HPSE2: variants seen among roughly 807,000 people sequenced by gnomAD.
HPSE2 encodes the protein heparanase 2 (inactive), also known as inactive heparanase-2.
A neutral mutation model predicts 60.5 loss-of-function variants in HPSE2; 38 were observed. That is an observed-to-expected ratio of 0.63 (90% CI 0.48 to 0.82). The LOEUF (loss-of-function observed/expected upper bound fraction) is 0.82. Ranked by LOEUF, HPSE2 falls within the 40% of genes least tolerant of loss-of-function variation. The probability of loss-of-function intolerance (pLI) is 0.00; values close to 1 mark genes in which losing one functional copy is unlikely to be tolerated. For missense variants in HPSE2, 713 were observed against 740.4 expected, an observed-to-expected ratio of 0.96 and a Z score of 0.43; for synonymous variants, 295 against 293.2, an observed-to-expected ratio of 1.01 and a Z score of -0.06.
At chr10:98,834,811 T>C (rs1951757210) in intron 3 of HPSE2, among the ~76,000 whole-genome samples, 2 of 151,798 alleles carry the variant, frequency 1.3e-5, no homozygotes, top group Non-Finnish European at 2.9e-5. Flanking sequence ...AGCTGTCTTC[T>C]ATTAGGCCAG....
chr10:98,601,409 T>G (rs1243180560), intron 9 of HPSE2, among the ~76,000 whole-genome samples: 3 of 152,188 alleles, frequency 2.0e-5, no homozygotes, highest in African/African-American at 7.2e-5. Flanking sequence ...ATCAGATTAA[T>G]CAGAGTAGCT....
intron 5 of HPSE2, among the ~76,000 whole-genome samples, chr10:98,712,056 T>C (rs1380221326): frequency 1.3e-5 from 2 of 151,786 alleles, no homozygotes; most frequent in Non-Finnish European, 2.9e-5. Flanking sequence ...AGCAGGGTTG[T>C]GAGGGAAAGA....
At chr10:98,470,775 G>A (rs868767848) in intron 11 of HPSE2, among the ~76,000 whole-genome samples, 3 of 152,168 alleles carry the variant, frequency 2.0e-5, no homozygotes, top group Non-Finnish European at 4.4e-5. Flanking sequence ...TGCCTACAAC[G>A]AGGGTCCCTA....
At chr10:99,170,431 A>T (rs531523270) in intron 2 of HPSE2, among the ~76,000 whole-genome samples, 2 of 152,294 alleles carry the variant, frequency 1.3e-5, no homozygotes, top group African/African-American at 4.8e-5. Context: ...CTATAGTTTA[A>T]TCTCCAGAAT....
chr10:99,077,511 T>C (rs1032907903), intron 3 of HPSE2, among the ~76,000 whole-genome samples: 5 of 152,120 alleles, frequency 3.3e-5, no homozygotes, highest in Non-Finnish European at 5.9e-5. Flanking sequence ...CAACCTCCCA[T>C]TGAATTTTTT....
At chr10:99,315,749 C>A in the HPSE2 span, among the ~76,000 whole-genome samples, 1 of 152,202 alleles carries the variant, frequency 6.6e-6, no homozygotes, top group Non-Finnish European at 1.5e-5. Flanking sequence ...TAAACAGGGT[C>A]ACCCGGCTGC....
the HPSE2 span, among the ~76,000 whole-genome samples, chr10:99,287,504 G>A: frequency 6.6e-6 from 1 of 152,120 alleles, no homozygotes; most frequent in African/African-American, 2.4e-5. Flanking sequence ...TGGGTGTGAG[G>A]GTGGCAGGGG....
chr10:99,297,138 T>C, the HPSE2 span, among the ~76,000 whole-genome samples: 1 of 151,828 alleles, frequency 6.6e-6, no homozygotes, highest in Non-Finnish European at 1.5e-5. Flanking sequence ...CACCGCAGCC[T>C]GGTGGGTTAC....
intron 5 of HPSE2, among the ~76,000 whole-genome samples, chr10:98,709,048 T>C (rs563609447): frequency 3.3e-5 from 5 of 152,316 alleles, no homozygotes; most frequent in Non-Finnish European, 5.9e-5. Context: ...TTTTTATATC[T>C]GTATTGACAC....
chr10:99,162,213 T>C (rs1846873509), intron 2 of HPSE2, among the ~76,000 whole-genome samples: 2 of 152,172 alleles, frequency 1.3e-5, no homozygotes, highest in African/African-American at 2.4e-5. Flanking sequence ...TTAACCATAG[T>C]TTTTAAAAAC....
At position 98,463,290 on chromosome 10, in the gene HPSE2, C is replaced by T. The variant is rs117642440; in HGVS notation, c.1614-3551G>A. Among the ~76,000 whole-genome samples, 369 of 152,332 alleles carry T rather than the reference C, an allele frequency of 2.4e-3. 8 individuals are homozygous for T. The East Asian group carries it at 0.058, about 24-fold the overall frequency. ...CCAGCTCCAGCTACCTCTCCAGTCTCAGATCCCGCCAGTCCCCCCTCCAAC... is the reference window on the plus strand; with the variant it reads ...CCAGCTCCAGCTACCTCTCCAGTCTTAGATCCCGCCAGTCCCCCCTCCAAC... On this transcript the variant is annotated intron_variant, in intron 11 of 11. Coordinates refer to ENST00000370552, the MANE Select transcript of HPSE2 (RefSeq NM_021828.5).
At position 99,134,201 on chromosome 10, in the gene HPSE2, C is replaced by G. The variant is rs113462352; in HGVS notation, c.610+10037G>C. Among the ~76,000 whole-genome samples the G allele has an allele frequency of 1.9e-3, 287 of 152,160 alleles. 2 individuals carry two copies. The highest frequency in any genetic ancestry group is 6.8e-3 in the African/African-American group (282 of 41,508). On this transcript the variant is annotated intron_variant, in intron 3 of 11. Coordinates refer to ENST00000370552, the MANE Select transcript of HPSE2 (RefSeq NM_021828.5). ...AATAAAAAGGAACAGAAAAAGCCTC[C>G]AAGAAATATGGGACTATGTGAAAAA...
chr10:99,239,811 A>G (rs1009844616), upstream of HPSE2, among the ~76,000 whole-genome samples: 1 of 152,140 alleles, frequency 6.6e-6, no homozygotes, highest in African/African-American at 2.4e-5. Context: ...TTCCAAAAGA[A>G]AGGAAAATTT....
chr10:98,757,866 G>T (rs1398049421), intron 3 of HPSE2, among the ~76,000 whole-genome samples: 1 of 151,984 alleles, frequency 6.6e-6, no homozygotes, highest in Non-Finnish European at 1.5e-5. Context: ...GAACAAGAAA[G>T]AACCCAAATA....
At chr10:98,910,348 G>A (rs1953945850) in intron 3 of HPSE2, among the ~76,000 whole-genome samples, 1 of 152,154 alleles carries the variant, frequency 6.6e-6, no homozygotes, top group African/African-American at 2.4e-5. Context: ...CACCAGTAAA[G>A]AGAAATTTCA....
intron 2 of HPSE2, among the ~76,000 whole-genome samples, chr10:99,186,628 T>C (rs1468751423): frequency 1.3e-5 from 2 of 150,034 alleles, no homozygotes; most frequent in African/African-American, 4.9e-5. Flanking sequence ...CTGACATCTT[T>C]AAAGTGCTGG....
At chr10:98,729,190 A>G (rs1949166350) in intron 4 of HPSE2, among the ~76,000 whole-genome samples, 1 of 152,202 alleles carries the variant, frequency 6.6e-6, no homozygotes, top group African/African-American at 2.4e-5. Flanking sequence ...CAAATAATGG[A>G]AATGGATTAA....
At chr10:98,617,528 A>G (rs1284138432) in intron 8 of HPSE2, among the ~76,000 whole-genome samples, 1 of 152,232 alleles carries the variant, frequency 6.6e-6, no homozygotes, top group African/African-American at 2.4e-5. Flanking sequence ...ATGCATATGC[A>G]AGATCTGGAG....
rs548716962 is a variant in HPSE2, at chr10:98,941,205, T to A, written c.611-197149A>T. On this transcript the variant is annotated intron_variant, in intron 3 of 11. Transcript: ENST00000370552. ...GGATGCCCTCTCTCACCACTCCTAT[T>A]CAACATAGTGTTGGAAGTTCTGGCC... 1.0e-3 allele frequency among the ~76,000 whole-genome samples: 140 copies of A among 136,332 alleles called. 23 individuals carry two copies. The highest frequency in any genetic ancestry group is 4.1e-3 in the African/African-American group (133 of 32,426). The allele number at this position is 136,332 out of a possible 152,430, so 89.4% of individuals were successfully genotyped here.
Sources: allele counts gnomAD v4.1 joint callset (sites outside exome capture counted in the v4.1 genomes callset), GRCh38; gene constraint gnomAD v4.1.1; transcripts MANE v1.5; gene names NCBI Gene and HGNC (gene_info 2026-07-23, HGNC 2026-07-21).